Variants in NFAT5 observed in about 807,000 individuals in gnomAD.
The protein encoded by NFAT5 is nuclear factor of activated T cells 5, also known as nuclear factor of activated T-cells 5.
NFAT5 carries 31 observed loss-of-function variants against 166.5 expected under a neutral mutation model. The observed-to-expected ratio is 0.19, with a 90% CI of 0.14 to 0.25. The LOEUF (loss-of-function observed/expected upper bound fraction) is 0.25, where lower values mean the gene tolerates loss of function less well. NFAT5 is among the 10% of genes least tolerant of loss of function. The pLI is 1.00. For missense variants in NFAT5, 1,449 were observed against 1,821.8 expected, an observed-to-expected ratio of 0.80 and a Z score of 3.72; for synonymous variants, 612 against 639.7, an observed-to-expected ratio of 0.96 and a Z score of 0.65.
chr16:69,671,271 CCTACTGTCCCCTT>C (rs2036609825), intron 9 of NFAT5, among the ~76,000 whole-genome samples: 1 of 152,174 alleles, frequency 6.6e-6, no homozygotes, highest in African/African-American at 2.4e-5. Context: ...CAGTATTTTT[CCTACTGTCCCCTT>C]GGATTTGATA....
chr16:69,664,163 A>G (rs2036262714), intron 7 of NFAT5, among the ~76,000 whole-genome samples: 1 of 152,222 alleles, frequency 6.6e-6, no homozygotes, highest in Admixed American at 6.5e-5. Flanking sequence ...TTTATACTCT[A>G]AAATATTCTG....
At chr16:69,657,664 G>T (rs2035942135) in intron 6 of NFAT5, among the ~76,000 whole-genome samples, 1 of 145,128 alleles carries the variant, frequency 6.9e-6, no homozygotes, top group Non-Finnish European at 1.5e-5. Context: ...GGAGGCCAAA[G>T]CAGAGAATTG....
intron 7 of NFAT5, among the ~76,000 whole-genome samples, chr16:69,661,914 A>G (rs945331298): frequency 6.6e-6 from 1 of 152,164 alleles, no homozygotes; most frequent in Non-Finnish European, 1.5e-5. Context: ...ATTAACTTCC[A>G]TATATGTGTA....
chr16:69,670,375 A>G, intron 9 of NFAT5, 87 bp downstream of exon 9: 1 of 784,586 alleles, frequency 1.3e-6, no homozygotes, highest in South Asian at 1.7e-5. Context: ...TCAATAGATT[A>G]AATTTCTTCT....
In NFAT5 at chr16:69,692,755, C is replaced by T; in HGVS notation, c.2930C>T (p.Pro977Leu). 6.2e-7 allele frequency: 1 copy of T among 1,614,222 alleles called. No homozygotes were observed. Among genetic ancestry groups the T allele is most frequent in the Non-Finnish European group, 8.5e-7 (1 of 1,180,048 alleles). ...CAGTGTGAATTGTTTTCTTCTCCTC[C>T]TGCAGTTTCTGGAAATGAAACTTCT... ...QMQCELFSSP[P>L]AVSGNETSTT... The change falls in exon 13 of 15, where the codon CCT (proline) becomes CTT (leucine). Residue 977 changes from proline (P) to leucine (L), a missense_variant. Coordinates refer to ENST00000349945, the MANE Select transcript of NFAT5 (RefSeq NM_138713.4).
At chr16:69,636,056 C>T (rs913932138) in intron 3 of NFAT5, among the ~76,000 whole-genome samples, 2 of 152,110 alleles carry the variant, frequency 1.3e-5, no homozygotes, top group Non-Finnish European at 1.5e-5. Context: ...AATGAGAGTA[C>T]AGGTATTGGG....
intron 2 of NFAT5, among the ~76,000 whole-genome samples, chr16:69,569,051 G>A (rs1338250747): frequency 6.6e-6 from 1 of 152,182 alleles, no homozygotes; most frequent in Non-Finnish European, 1.5e-5. Context: ...TGATGATTGA[G>A]CTATGCTTAG....
Position 69,566,230 on chromosome 16 carries a change from GGA to G in NFAT5, c.-68_-67del. 6.9e-7 allele frequency: 1 copy of G among 1,439,548 alleles called. No individual in the cohort carries two copies. Among genetic ancestry groups the G allele is most frequent in the Non-Finnish European group, 9.5e-7 (1 of 1,049,588 alleles). The allele number at this position is 1,439,548 out of a possible 1,614,324, so 89.2% of individuals were successfully genotyped here. A position where few individuals can be genotyped will look rare whatever the true frequency, so the allele number is the denominator to read the frequency against. ...CCCCCGGTTCGGTGCCCGCGGTCCCGGAGAGGAGGTGCCGCCGCCACCGCCGC... is the reference window on the plus strand; with the variant it reads ...CCCCCGGTTCGGTGCCCGCGGTCCCGGAGGAGGTGCCGCCGCCACCGCCGC... On this transcript the variant is annotated 5_prime_UTR_variant, in exon 1 of 15. Transcript: ENST00000349945. The surrounding 1 kb of genome is among the most constrained non-coding windows in gnomAD (Gnocchi z 5.7).
At chr16:69,631,834 C>T (rs1427582364) in intron 3 of NFAT5, among the ~76,000 whole-genome samples, 1 of 152,104 alleles carries the variant, frequency 6.6e-6, no homozygotes, top group Non-Finnish European at 1.5e-5. Flanking sequence ...AATACACAGT[C>T]ATAAAGTGTG....
intron 2 of NFAT5, among the ~76,000 whole-genome samples, chr16:69,600,305 C>G (rs2033058149): frequency 6.6e-6 from 1 of 151,986 alleles, no homozygotes; most frequent in Admixed American, 6.6e-5. Context: ...TATTGATAAC[C>G]AAGCAATTTG....
chr16:69,655,145 T>TTA (rs1452592800), intron 5 of NFAT5, among the ~76,000 whole-genome samples: 3 of 152,308 alleles, frequency 2.0e-5, no homozygotes, highest in African/African-American at 7.2e-5. Flanking sequence ...CTTCATTTCC[T>TTA]TCTTATTCAT....
At chr16:69,641,481 A>C (rs1882601780) in intron 3 of NFAT5, among the ~76,000 whole-genome samples, 1 of 152,086 alleles carries the variant, frequency 6.6e-6, no homozygotes, top group Admixed American at 6.5e-5. Context: ...AAATATGTAC[A>C]TATTCAAATG....
intron 2 of NFAT5, among the ~76,000 whole-genome samples, chr16:69,601,159 C>G (rs576028147): frequency 9.9e-5 from 15 of 152,038 alleles, no homozygotes; most frequent in African/African-American, 3.4e-4. Flanking sequence ...AACGACAAAA[C>G]AAGAACAAAT....
chr16:69,567,999 T>C (rs961035298), intron 1 of NFAT5, among the ~76,000 whole-genome samples: 3 of 152,180 alleles, frequency 2.0e-5, no homozygotes, highest in African/African-American at 4.8e-5. Context: ...TTCACAAATA[T>C]GGGCTTTAGC....
At chr16:69,630,822 A>G (rs961426335) in intron 3 of NFAT5, among the ~76,000 whole-genome samples, 5 of 152,210 alleles carry the variant, frequency 3.3e-5, no homozygotes, top group African/African-American at 1.2e-4. Context: ...GAAAAGATGT[A>G]TGGCAGGTTT....
At chr16:69,668,936 G>A (rs72783115) in intron 7 of NFAT5, among the ~76,000 whole-genome samples, 55,512 of 151,762 alleles carry the variant, frequency 0.37, 11,122 homozygotes, top group African/African-American at 0.53. Context: ...TTCTTCACAC[G>A]TAAGTACTTA....
intron 3 of NFAT5, chr16:69,632,648 T>G (rs547866659): frequency 6.6e-6 from 1 of 152,338 alleles, no homozygotes; most frequent in South Asian, 2.1e-4. Context: ...ATGAGGATTT[T>G]CTTGAGTTGA....
At chr16:69,691,636 G>A in intron 12 of NFAT5, 113 bp from the exon 13 acceptor site, 3 of 735,848 alleles carry the variant, frequency 4.1e-6, no homozygotes, top group Non-Finnish European at 6.7e-6. Context: ...TAATAATATA[G>A]AGTGGAAAGC....
chr16:69,648,800 C>T (rs2035555096), intron 4 of NFAT5: 1 of 953,702 alleles, frequency 1.0e-6, no homozygotes, highest in African/African-American at 1.8e-5. Context: ...GATTGATTTA[C>T]TACTTGATGA....
Sources: gnomAD v4.1 joint callset for allele counts (sites outside exome capture counted in the v4.1 genomes callset) on GRCh38, gnomAD v4.1.1 for gene constraint, Gnocchi (gnomAD v3.1) non-coding constraint, MANE v1.5 for transcripts, NCBI Gene and HGNC (gene_info 2026-07-23, HGNC 2026-07-21) for gene names.